TG: variants seen among roughly 807,000 people sequenced by gnomAD.
TG encodes thyroid hormones.
In TG, 270 loss-of-function variants were observed where a neutral mutation model predicts 324.7. That is an observed-to-expected ratio of 0.83 (90% CI 0.75 to 0.92). The LOEUF (loss-of-function observed/expected upper bound fraction) is 0.92. Among genes scored for constraint, TG ranks in the 40% least tolerant of loss-of-function variants. The pLI, the probability that TG is intolerant of heterozygous loss-of-function variation, is 0.00. For synonymous variants in TG, 1,401 were observed against 1,327.0 expected, an observed-to-expected ratio of 1.06 and a Z score of -1.21; for missense variants, 3,591 against 3,456.4, an observed-to-expected ratio of 1.04 and a Z score of -0.98.
chr8:132,992,680 G>T lies in TG; in HGVS notation c.6262+9268G>T, dbSNP rs112378622. On this transcript the variant is annotated intron_variant, in intron 35 of 47. Transcript: ENST00000220616. The stretch of plus-strand genomic sequence containing the variant: ...CTCTACCCCAGTGGCTGTGGGTGCT[G>T]CTGGCAGAGAGACCACTGTCAGTCC... Among the ~76,000 whole-genome samples the T allele has an allele frequency of 3.9e-3, 591 of 152,254 alleles. 5 individuals carry two copies. Among genetic ancestry groups the T allele is most frequent in the African/African-American group, 0.013 (548 of 41,536 alleles).
At chr8:132,978,032 A>C (rs1199866140) in intron 34 of TG, among the ~76,000 whole-genome samples, 1 of 152,228 alleles carries the variant, frequency 6.6e-6, no homozygotes, top group Admixed American at 6.5e-5. Flanking sequence ...GTGTTCATCC[A>C]TTTTGCATTG....
At chr8:133,066,342 A>G (rs1175427677) in intron 41 of TG, among the ~76,000 whole-genome samples, 3 of 151,732 alleles carry the variant, frequency 2.0e-5, no homozygotes, top group Non-Finnish European at 4.4e-5. Flanking sequence ...AAAAAAAAAA[A>G]AAGCTGTTAC....
chr8:132,964,222 A>G (rs565286023), intron 29 of TG, among the ~76,000 whole-genome samples: 2 of 152,064 alleles, frequency 1.3e-5, no homozygotes, highest in African/African-American at 4.8e-5. Context: ...CAGCATCTGC[A>G]AAACTCTCAC....
At chr8:132,945,845 A>C (rs1443011396) in intron 26 of TG, among the ~76,000 whole-genome samples, 1 of 152,186 alleles carries the variant, frequency 6.6e-6, no homozygotes, top group Admixed American at 6.5e-5. Flanking sequence ...TGAGAGTTCA[A>C]ACAAGGTGAT....
chr8:133,026,112 C>G (rs981031838), intron 40 of TG, among the ~76,000 whole-genome samples: 1 of 152,240 alleles, frequency 6.6e-6, no homozygotes, highest in Non-Finnish European at 1.5e-5. Flanking sequence ...CTAGCTGCCT[C>G]CTGGCACAGA....
intron 27 of TG, among the ~76,000 whole-genome samples, chr8:132,949,934 C>A (rs1363793191): frequency 1.3e-5 from 2 of 152,154 alleles, no homozygotes; most frequent in Non-Finnish European, 2.9e-5. Flanking sequence ...ACTGGCCAAC[C>A]ATGTACCACT....
chr8:133,001,796 C>T (rs1272024510), intron 35 of TG: 4 of 985,316 alleles, frequency 4.1e-6, no homozygotes, highest in Non-Finnish European at 4.8e-6. Context: ...TTGCTGGGGG[C>T]CTGAAAGACT....
chr8:133,005,733 G>A lies in TG; in HGVS notation c.6263-6168G>A, dbSNP rs554485936. 1.2e-3 allele frequency among the ~76,000 whole-genome samples: 183 copies of A among 152,310 alleles called. 1 individual carries two copies. Among genetic ancestry groups the A allele is most frequent in the Non-Finnish European group, 2.3e-3 (154 of 68,032 alleles). Reference sequence around the variant, plus strand: ...ATTGTTAGTGTCAGCTGCTGGGTGTGTTCAACTCTTCTCTGGTTTCTGGCA... The same window carrying A: ...ATTGTTAGTGTCAGCTGCTGGGTGTATTCAACTCTTCTCTGGTTTCTGGCA... On this transcript the variant is annotated intron_variant, in intron 35 of 47. Transcript: ENST00000220616.
At chr8:133,091,588 G>C (rs1198734244) in intron 41 of TG, among the ~76,000 whole-genome samples, 1 of 152,094 alleles carries the variant, frequency 6.6e-6, no homozygotes, top group African/African-American at 2.4e-5. Context: ...GTGTGTATGT[G>C]TCTGAGTGTG....
intron 33 of TG, 49 bp from the exon 34 acceptor site, chr8:132,972,549 T>C (rs773897315): frequency 1.2e-6 from 2 of 1,600,138 alleles, no homozygotes; most frequent in Non-Finnish European, 1.7e-6. Flanking sequence ...TCTTCCATTG[T>C]ACTCAGTTTC....
At chr8:133,070,509 C>T (rs1843840015) in intron 41 of TG, among the ~76,000 whole-genome samples, 1 of 152,170 alleles carries the variant, frequency 6.6e-6, no homozygotes, top group African/African-American at 2.4e-5. Context: ...AACTGAGTCT[C>T]AGAGAGGCTA....
intron 34 of TG, among the ~76,000 whole-genome samples, chr8:132,980,605 C>A (rs1281389967): frequency 6.6e-6 from 1 of 152,142 alleles, no homozygotes; most frequent in East Asian, 1.9e-4. Context: ...GTCATGGAGA[C>A]CCCCAATTTA....
At position 133,018,316 on chromosome 8, in the gene TG, A is replaced by G. The variant is rs76518286; in HGVS notation, c.6782+319A>G. Among the ~76,000 whole-genome samples the G allele has an allele frequency of 2.5e-3, 379 of 152,258 alleles. 4 individuals are homozygous for G. Among genetic ancestry groups the G allele is most frequent in the Admixed American group, 7.3e-3 (112 of 15,306 alleles). The stretch of plus-strand genomic sequence containing the variant: ...ATGAATCTTCCAAGGTCCCCTGGAC[A>G]TTGATCCAGGAAGAGAGGCTGTGAA... On this transcript the variant is annotated intron_variant, in intron 38 of 47. Coordinates refer to ENST00000220616, the MANE Select transcript of TG (RefSeq NM_003235.5).
intron 41 of TG, chr8:133,048,973 T>C (rs1393613913): frequency 9.0e-6 from 3 of 332,176 alleles, no homozygotes; most frequent in African/African-American, 2.1e-5. Context: ...TATCAATGGA[T>C]GCCTCCTTCT....
In TG at chr8:132,869,782, G is replaced by T. The variant is rs1461934982; in HGVS notation, c.230G>T (p.Gly77Val). ...GRSCWCVGAN[G>V]SEVLGSRQPG... The stretch of plus-strand genomic sequence containing the variant: ...TCCTGCTGGTGTGTGGGTGCCAACG[G>T]CAGTGAAGTGCTGGGCAGCAGGCAG... The change falls in exon 3 of 48, where the codon GGC (glycine) becomes GTC (valine). Residue 77 changes from glycine to valine, a missense_variant. Transcript: ENST00000220616. 1 of 1,614,162 alleles carries T rather than the reference G, an allele frequency of 6.2e-7. No individual in the cohort carries two copies. Among genetic ancestry groups the T allele is most frequent in the East Asian group, 2.2e-5 (1 of 44,866 alleles).
At chr8:132,936,250 C>A (rs368553618) in intron 25 of TG, among the ~76,000 whole-genome samples, 1 of 152,230 alleles carries the variant, frequency 6.6e-6, no homozygotes, top group Non-Finnish European at 1.5e-5. Flanking sequence ...AAGGCCCATG[C>A]GGCCCAAGAG....
At chr8:133,028,276 C>G (rs1388689592) in intron 40 of TG, among the ~76,000 whole-genome samples, 1 of 152,230 alleles carries the variant, frequency 6.6e-6, no homozygotes, top group Non-Finnish European at 1.5e-5. Flanking sequence ...CAAACACATT[C>G]ATCCTAACAA....
chr8:133,058,501 C>A (rs1841865985), intron 41 of TG, among the ~76,000 whole-genome samples: 1 of 152,238 alleles, frequency 6.6e-6, no homozygotes, highest in Non-Finnish European at 1.5e-5. Context: ...CTCAAGCATG[C>A]TGCCCCCTCT....
intron 21 of TG, among the ~76,000 whole-genome samples, chr8:132,920,677 G>A (rs1378282449): frequency 6.6e-6 from 1 of 152,216 alleles, no homozygotes; most frequent in African/African-American, 2.4e-5. Flanking sequence ...CCTTGTTTAT[G>A]GAGGGGATAT....
Sources: gnomAD v4.1 joint callset for allele counts (sites outside exome capture counted in the v4.1 genomes callset) on GRCh38, gnomAD v4.1.1 for gene constraint, MANE v1.5 for transcripts, NCBI Gene and HGNC (gene_info 2026-07-23, HGNC 2026-07-21) for gene names.